Variants in ZNF7 observed in about 807,000 individuals in gnomAD.
The protein encoded by ZNF7 is zinc finger protein 7, also known as C2-H2 type zinc finger protein.
ZNF7 carries 10 observed loss-of-function variants against 12.0 expected under a neutral mutation model. The ratio of observed to expected loss-of-function variants is 0.83; its 90% CI spans 0.51 to 1.42. The LOEUF (loss-of-function observed/expected upper bound fraction) is 1.42, where lower values mean the gene tolerates loss of function less well. Among genes scored for constraint, ZNF7 ranks in the 40% most tolerant of loss-of-function variants. The pLI, the probability that ZNF7 is intolerant of heterozygous loss-of-function variation, is 0.00. For synonymous variants in ZNF7, 334 were observed against 295.0 expected, an observed-to-expected ratio of 1.13 and a Z score of -1.35; for missense variants, 854 against 837.2, an observed-to-expected ratio of 1.02 and a Z score of -0.25.
rs771309955 is a variant in ZNF7, at chr8:144,829,083, G to A, written c.-5G>A. The A allele has an allele frequency of 6.2e-7, 1 of 1,614,076 alleles. No individual in the cohort carries two copies. The highest frequency in any genetic ancestry group is 8.5e-7 in the Non-Finnish European group (1 of 1,179,972). ...CACGTGGATGCCCACCCACCACTGA[G>A]CCTCATGGTAGGAAGCTTGACTGCC... is the stretch of plus-strand genomic sequence containing the variant. On this transcript the variant is annotated 5_prime_UTR_variant, in exon 2 of 5. Transcript: ENST00000532777.
intron 1 of ZNF7, chr8:144,828,763 A>G (rs1828095198): frequency 4.1e-6 from 2 of 491,788 alleles, no homozygotes; most frequent in African/African-American, 1.9e-5. Context: ...CGTGTCCACT[A>G]CTGTATCCCC....
At chr8:144,829,250 A>T in intron 2 of ZNF7, 160 bp downstream of exon 2, 2 of 1,538,564 alleles carry the variant, frequency 1.3e-6, no homozygotes, top group East Asian at 4.7e-5. Flanking sequence ...CCCTGCCCAA[A>T]CCAGGGCCTA....
intron 3 of ZNF7, chr8:144,831,037 G>A (rs1250557031): frequency 4.4e-6 from 2 of 456,326 alleles, no homozygotes; most frequent in East Asian, 1.4e-4. Context: ...TTCGTAAGTG[G>A]TGTTGGGGTT....
chr8:144,832,103 G>A (rs1183269478), intron 3 of ZNF7, among the ~76,000 whole-genome samples: 1 of 102,470 alleles, frequency 9.8e-6, no homozygotes, highest in African/African-American at 2.9e-5. Flanking sequence ...CTTATGGATT[G>A]TCTCTTTGAA....
downstream of ZNF7, chr8:144,846,335 C>T: frequency 4.4e-6 from 3 of 681,014 alleles, no homozygotes; most frequent in Non-Finnish European, 7.2e-6. Context: ...CCATTCGTAG[C>T]TTTTTACATT....
At position 144,843,255 on chromosome 8, in the gene ZNF7, CAT is replaced by C. The variant is rs1328974616; in HGVS notation, c.*88_*89del. 20 of 1,411,324 alleles carry C rather than the reference CAT, an allele frequency of 1.4e-5. No homozygotes were observed. In the African/African-American group the frequency reaches 2.0e-4, roughly 14 times the overall value. 87.4% of individuals were successfully genotyped at this position (1,411,324 alleles called of 1,614,324 possible). On this transcript the variant is annotated 3_prime_UTR_variant, in exon 5 of 5. Coordinates refer to ENST00000532777, the MANE Select transcript of ZNF7 (RefSeq NM_003416.4). Reference sequence around the variant, plus strand: ...ATATGGAATCGTTTATACTGACAAACATGTAGAATGTTGGTAAAGGTTCAGAA... The same window carrying C: ...ATATGGAATCGTTTATACTGACAAACGTAGAATGTTGGTAAAGGTTCAGAA...
chr8:144,845,685 GGGAACCT>G (rs1490478394), downstream of ZNF7, among the ~76,000 whole-genome samples: 2 of 152,126 alleles, frequency 1.3e-5, no homozygotes, highest in African/African-American at 4.8e-5. Context: ...GTCATTCAGG[GGGAACCT>G]GGAACTCCTG....
intron 4 of ZNF7, among the ~76,000 whole-genome samples, chr8:144,839,485 G>A (rs955783105): frequency 6.6e-6 from 1 of 152,254 alleles, no homozygotes; most frequent in African/African-American, 2.4e-5. Flanking sequence ...ATGGACAGGA[G>A]CGTTTAAAGA....
chr8:144,833,624 C>T (rs1203773669), intron 3 of ZNF7: 1 of 152,044 alleles, frequency 6.6e-6, no homozygotes, highest in Non-Finnish European at 1.5e-5. Flanking sequence ...GTTATCCACC[C>T]ACCTTGGTCT....
chr8:144,831,248 T>A (rs1332140091), intron 3 of ZNF7, among the ~76,000 whole-genome samples: 2 of 152,194 alleles, frequency 1.3e-5, no homozygotes, highest in African/African-American at 4.8e-5. Context: ...CCATGGCTTC[T>A]GTCTATTTAT....
rs530711069 is a variant in ZNF7 at position 144,837,308 on chromosome 8, A to G, written c.131-83A>G. 197 of 1,239,458 alleles carry G rather than the reference A, an allele frequency of 1.6e-4. No individual in the cohort carries two copies. In the African/African-American group the frequency reaches 2.6e-3, roughly 16 times the overall value. 76.8% of individuals were successfully genotyped at this position (1,239,458 alleles called of 1,614,324 possible). The stretch of plus-strand genomic sequence containing the variant: ...CCTTGTAGCCCCCCTGCCCCTTTCC[A>G]TTTGGAAACTGGGGAAGACTTAGCC... On this transcript the variant is annotated intron_variant, in intron 3 of 4. Transcript: ENST00000532777.
intron 3 of ZNF7, among the ~76,000 whole-genome samples, chr8:144,832,392 CA>C (rs1326690582): frequency 3.2e-5 from 2 of 63,462 alleles, no homozygotes; most frequent in African/African-American, 8.0e-5. Flanking sequence ...CACTGCACTC[CA>C]GCCTGGGTGA....
At chr8:144,835,256 T>A (rs1828864689) in intron 3 of ZNF7, 1 of 151,548 alleles carries the variant, frequency 6.6e-6, no homozygotes. Context: ...CAGCCTAGAG[T>A]ACAGTGGTGC....
rs1830213043 is a variant in ZNF7, at chr8:144,843,271, A to ACCC, written c.*103_*104insCCC. ...ACTGACAAACATGTAGAATGTTGGT[A>ACCC]AAGGTTCAGAATTGCTCTCAAGAAT... On this transcript the variant is annotated 3_prime_UTR_variant, in exon 5 of 5. Coordinates refer to ENST00000532777, the MANE Select transcript of ZNF7 (RefSeq NM_003416.4). 2 of 1,360,722 alleles carry ACCC rather than the reference A, an allele frequency of 1.5e-6. No homozygotes were observed. Among genetic ancestry groups the ACCC allele is most frequent in the Non-Finnish European group, 2.0e-6 (2 of 1,009,554 alleles). 84.3% of individuals were successfully genotyped at this position (1,360,722 alleles called of 1,614,324 possible).
At position 144,841,356 on chromosome 8, in the gene ZNF7, T is replaced by C. The variant is rs1482094330; in HGVS notation, c.249T>C (p.Asp83=). 1 of 1,597,410 alleles carries C rather than the reference T, an allele frequency of 6.3e-7. No homozygotes were observed. The highest frequency in any genetic ancestry group is 8.6e-7 in the Non-Finnish European group (1 of 1,168,768). ...GTEAPRTSKT[D]STIRTENEQA... ...CGTCTTTGTTCCTGTTTATTTCAGA[T>C]TCTACGATTAGGACTGAAAATGAGC... Residue 83 remains aspartate (D), a splice_region_variant and synonymous_variant, in exon 5 of 5, where the codon GAT becomes GAC. Coordinates refer to ENST00000532777, the MANE Select transcript of ZNF7 (RefSeq NM_003416.4).
intron 2 of ZNF7, 116 bp downstream of exon 2, chr8:144,829,206 C>T (rs1045464691): frequency 1.3e-6 from 2 of 1,573,984 alleles, no homozygotes; most frequent in African/African-American, 2.7e-5. Context: ...TTAGGAAGGC[C>T]CCCTTGCCCC....
chr8:144,835,377 T>C (rs1027234322), intron 3 of ZNF7: 10 of 151,994 alleles, frequency 6.6e-5, no homozygotes, highest in African/African-American at 2.4e-4. Flanking sequence ...CTGTTTTTTC[T>C]TTCTTTGTAG....
chr8:144,845,836 T>G, downstream of ZNF7: 1 of 764,454 alleles, frequency 1.3e-6, no homozygotes, highest in Non-Finnish European at 2.1e-6. Flanking sequence ...ACACCGGAAC[T>G]TCTGTGCACG....
rs911639121 is a variant in ZNF7 at position 144,834,693 on chromosome 8, T to A, written c.131-2698T>A. ...AACTAGCCAATATTGTATTTTTGTG[T>A]TTCTGTTCATAAGTGAAATGGATAT... On this transcript the variant is annotated intron_variant, in intron 3 of 4. Transcript: ENST00000532777. 8.6e-5 allele frequency: 13 copies of A among 151,708 alleles called. 2 individuals are homozygous for A. The South Asian group carries it at 2.7e-3, about 31-fold the overall frequency. The allele number at this position is 151,708 out of a possible 1,614,324, so 9.4% of individuals were successfully genotyped here.
Sources: allele counts gnomAD v4.1 joint callset (sites outside exome capture counted in the v4.1 genomes callset), GRCh38; gene constraint gnomAD v4.1.1; transcripts MANE v1.5; gene names NCBI Gene and HGNC (gene_info 2026-07-23, HGNC 2026-07-21).